The following DENND3 variants were observed in gnomAD, a reference collection of about 807,000 sequenced individuals.
DENND3 encodes the protein DENN domain containing 3.
Under a neutral mutation model 135.1 loss-of-function variants are expected in DENND3, and 88 were observed. The ratio of observed to expected loss-of-function variants is 0.65; its 90% CI spans 0.55 to 0.78. The LOEUF is 0.78. Ranked by LOEUF, DENND3 falls within the 30% of genes least tolerant of loss-of-function variation. DENND3 has a pLI of 0.00. For synonymous variants in DENND3, 693 were observed against 712.3 expected, an observed-to-expected ratio of 0.97 and a Z score of 0.43; for missense variants, 1,392 against 1,688.4, an observed-to-expected ratio of 0.82 and a Z score of 3.08.
intron 17 of DENND3, among the ~76,000 whole-genome samples, chr8:141,183,736 G>T (rs563000456): frequency 0.065 from 7,926 of 121,400 alleles, 524 homozygotes; most frequent in African/African-American, 0.18. Context: ...TTTTTGTTTT[G>T]TTTTTTTTTT....
At chr8:141,134,916 C>T (rs1006233143) in intron 1 of DENND3, among the ~76,000 whole-genome samples, 5 of 150,168 alleles carry the variant, frequency 3.3e-5, no homozygotes, top group Admixed American at 6.6e-5. Flanking sequence ...CTGCAAGCTC[C>T]GCCTCCTGGG....
At chr8:141,178,685 G>A (rs1230627396) in intron 16 of DENND3, among the ~76,000 whole-genome samples, 1 of 152,210 alleles carries the variant, frequency 6.6e-6, no homozygotes, top group African/African-American at 2.4e-5. Context: ...GTGAGGAGAG[G>A]CCCTGCACGT....
intron 13 of DENND3, among the ~76,000 whole-genome samples, chr8:141,170,806 A>G (rs748584609): frequency 1.3e-5 from 2 of 152,170 alleles, no homozygotes; most frequent in Non-Finnish European, 2.9e-5. Context: ...CCTCCGTGTC[A>G]TCTAGCGCCA....
chr8:141,163,907 C>CA (rs1157176340), intron 10 of DENND3, among the ~76,000 whole-genome samples: 1,622 of 55,364 alleles, frequency 0.029, 54 homozygotes, highest in Admixed American at 0.058. Context: ...GACTCCGTCT[C>CA]AAAAAAAAAA....
rs1820782914 is a variant in DENND3, at chr8:141,166,286, G to A, written c.1650G>A (p.Val550=). The stretch of plus-strand genomic sequence containing the variant: ...TGCATGTCACCCACAGGCGCATGGT[G>A]GTCAGCATGCCCAACCTGCAGGACA... The part of the protein sequence containing the change: ...SHLHVTHRRM[V]VSMPNLQDIA... The change falls in exon 12 of 23, where the codon GTG becomes GTA. Residue 550 remains valine, a synonymous_variant. Coordinates refer to ENST00000519811, the MANE Select transcript of DENND3 (RefSeq NM_001352890.3). This position sits in a 1 kb window ranked among gnomAD's most constrained non-coding sequence, Gnocchi z 4.3. 6.2e-7 allele frequency: 1 copy of A among 1,614,078 alleles called. No individual in the cohort carries two copies. Among genetic ancestry groups the A allele is most frequent in the South Asian group, 1.1e-5 (1 of 91,080 alleles).
intron 10 of DENND3, among the ~76,000 whole-genome samples, chr8:141,164,625 C>T (rs558510311): frequency 2.6e-4 from 39 of 152,276 alleles, no homozygotes; most frequent in Middle Eastern, 3.4e-3. Flanking sequence ...TGGTTTGATG[C>T]GGTTTCGCCC....
chr8:141,131,683 C>T (rs935904551), intron 1 of DENND3, among the ~76,000 whole-genome samples: 1 of 152,182 alleles, frequency 6.6e-6, no homozygotes, highest in African/African-American at 2.4e-5. Flanking sequence ...AGATGAATTC[C>T]ACTGTGTACT....
Position 141,144,071 on chromosome 8 carries a change from G to A in DENND3, c.624-77G>A, listed in dbSNP as rs1817766680. The A allele has an allele frequency of 8.0e-7, 1 of 1,252,012 alleles. No homozygotes were observed. The highest frequency in any genetic ancestry group is 1.1e-6 in the Non-Finnish European group (1 of 887,758). 77.6% of individuals were successfully genotyped at this position (1,252,012 alleles called of 1,614,324 possible). ...CTGCAGACGCTGGGGAGATTCCAGT[G>A]TGATTAGAAACGCTAACGATGACAA... On this transcript the variant is annotated intron_variant, in intron 4 of 22. Coordinates refer to ENST00000519811, the MANE Select transcript of DENND3 (RefSeq NM_001352890.3). The surrounding 1 kb of genome is among the most constrained non-coding windows in gnomAD (Gnocchi z 4.4).
intron 22 of DENND3, 190 bp from the exon 23 acceptor site, chr8:141,193,843 A>G (rs1825091861): frequency 3.2e-6 from 2 of 625,526 alleles, no homozygotes; most frequent in African/African-American, 1.8e-5. Context: ...CCCCTCGGCC[A>G]TTAGGTTCTA....
At chr8:141,190,145 ATGT>A (rs1243351480) in intron 19 of DENND3, 136 bp from the exon 20 acceptor site, 22 of 1,155,736 alleles carry the variant, frequency 1.9e-5, no homozygotes, top group Admixed American at 6.4e-5. Context: ...TTATGTTTGC[ATGT>A]TATTATCATG....
At chr8:141,179,385 C>T (rs1283713055) in intron 16 of DENND3, among the ~76,000 whole-genome samples, 5 of 152,222 alleles carry the variant, frequency 3.3e-5, no homozygotes, top group Admixed American at 6.5e-5. Flanking sequence ...CTCTGTCGGG[C>T]GTTTACAGGA....
Position 141,144,250 on chromosome 8 carries a change from G to A in DENND3, c.726G>A (p.Pro242=), listed in dbSNP as rs111678968. Residue 242 remains proline, a synonymous_variant, in exon 5 of 23, where the codon CCG becomes CCA. Transcript: ENST00000519811. This position sits in a 1 kb window ranked among gnomAD's most constrained non-coding sequence, Gnocchi z 4.4. ...TAATACCCAGCCCGCCACCTGGACC[G>A]CTCCATTTGGTAAAGTATATCTGAA... ...LSLIPSPPPG[P]LHLVFNMKSL... is the part of the protein sequence containing the mutation. The A allele has an allele frequency of 7.6e-5, 122 of 1,610,020 alleles. No homozygotes were observed. The African/African-American group carries it at 1.3e-3, about 17-fold the overall frequency.
In DENND3 at chr8:141,175,207, G is replaced by A. The variant is rs1193059379; in HGVS notation, c.2283G>A (p.Glu761=). The part of the protein sequence containing the change: ...RLFEALTVGQ[E]KQIDPETFKD... ...TCTTCTTATCAAACTAAGGACAGGA[G>A]AAACAAATCGACCCAGAAACATTCA... Residue 761 remains glutamate, a synonymous_variant, in exon 14 of 23, where the codon GAG becomes GAA. Coordinates refer to ENST00000519811, the MANE Select transcript of DENND3 (RefSeq NM_001352890.3). The surrounding 1 kb of genome is among the most constrained non-coding windows in gnomAD (Gnocchi z 5.4). 1.2e-6 allele frequency: 2 copies of A among 1,613,382 alleles called. No individual in the cohort carries two copies. The highest frequency in any genetic ancestry group is 3.3e-5 in the Admixed American group (2 of 59,894).
intron 19 of DENND3, among the ~76,000 whole-genome samples, chr8:141,189,740 G>A (rs1430817484): frequency 6.6e-6 from 1 of 152,162 alleles, no homozygotes; most frequent in African/African-American, 2.4e-5. Context: ...GTCAGGCCCT[G>A]TTGGGGTGGG....
intron 18 of DENND3, among the ~76,000 whole-genome samples, chr8:141,186,915 C>T (rs537551587): frequency 1.3e-5 from 2 of 152,346 alleles, no homozygotes; most frequent in East Asian, 1.9e-4. Flanking sequence ...GCTTCCCTGT[C>T]GCCCGAGAGG....
At chr8:141,190,184 A>AT (rs1219189453) in intron 19 of DENND3, 100 bp from the exon 20 acceptor site, 9 of 1,421,600 alleles carry the variant, frequency 6.3e-6, no homozygotes, top group African/African-American at 1.4e-5. Flanking sequence ...TGTTGAGCAC[A>AT]TTTTCTCTCA....
At chr8:141,142,418 C>A in intron 4 of DENND3, 1 of 457,122 alleles carries the variant, frequency 2.2e-6, no homozygotes. Flanking sequence ...TCATTTGAGA[C>A]CTTCTGCCTT....
In DENND3 at chr8:141,193,735, T is replaced by C. The variant is rs186621139; in HGVS notation, c.3637-298T>C. The C allele has an allele frequency of 1.2e-5, 6 of 488,426 alleles. No homozygotes were observed. In the Admixed American group the frequency reaches 1.6e-4, roughly 13 times the overall value. 30.3% of individuals were successfully genotyped at this position (488,426 alleles called of 1,614,324 possible). On this transcript the variant is annotated intron_variant, in intron 22 of 22. Transcript: ENST00000519811. ...TGAAATAATCACAAGCTAATTACCA[T>C]ATCTGTCACCTCACACAGGTGGCTG... is the stretch of plus-strand genomic sequence containing the variant.
chr8:141,194,411 C>A lies in DENND3; in HGVS notation c.*178C>A. 1.5e-6 allele frequency: 1 copy of A among 679,836 alleles called. No homozygotes were observed. Among genetic ancestry groups the A allele is most frequent in the Non-Finnish European group, 2.4e-6 (1 of 408,374 alleles). 42.1% of individuals were successfully genotyped at this position (679,836 alleles called of 1,614,324 possible). A position where few individuals can be genotyped will look rare whatever the true frequency, so the allele number is the denominator to read the frequency against. On this transcript the variant is annotated 3_prime_UTR_variant, in exon 23 of 23. Coordinates refer to ENST00000519811, the MANE Select transcript of DENND3 (RefSeq NM_001352890.3). ...CCATGGCCACGCACCTTCTCTCAGG[C>A]CTTCGGGCCCCCTGGTTAAACTGCA...
Sources: gnomAD v4.1 joint callset for allele counts (sites outside exome capture counted in the v4.1 genomes callset) on GRCh38, gnomAD v4.1.1 for gene constraint, Gnocchi (gnomAD v3.1) non-coding constraint, MANE v1.5 for transcripts, NCBI Gene and HGNC (gene_info 2026-07-23, HGNC 2026-07-21) for gene names.